The following HADHA variants were observed in gnomAD, a reference collection of about 807,000 sequenced individuals.
HADHA encodes the protein trifunctional enzyme subunit alpha, mitochondrial.
Under a neutral mutation model 91.3 loss-of-function variants are expected in HADHA, and 59 were observed. The ratio of observed to expected loss-of-function variants is 0.65; its 90% CI spans 0.52 to 0.80. The LOEUF (loss-of-function observed/expected upper bound fraction) is 0.80, where lower values mean the gene tolerates loss of function less well. Ranked by LOEUF, HADHA falls within the 30% of genes least tolerant of loss-of-function variation. The pLI, the probability that HADHA is intolerant of heterozygous loss-of-function variation, is 0.00. For synonymous variants in HADHA, 320 were observed against 338.9 expected (o/e 0.94, Z 0.61); for missense variants, 800 against 927.6 (o/e 0.86, Z 1.79).
chr2:26,191,272 G>A lies in HADHA; in HGVS notation c.2270C>T (p.Pro757Leu), dbSNP rs750593748. Residue 757 changes from proline to leucine, a missense_variant, in exon 20 of 20, where the codon CCT becomes CTT. By Grantham distance (98) the Pro-to-Leu change is moderately conservative. Coordinates refer to ENST00000380649, the MANE Select transcript of HADHA (RefSeq NM_000182.5). ...CQLLADHANS[P>L]NKKFYQ ...TGCTCACTGGTAGAACTTCTTGTTA[G>A]GGCTGTTAGCATGGTCAGCTAGCAG... 2 of 1,612,690 alleles carry A rather than the reference G, an allele frequency of 1.2e-6. No homozygotes were observed. The highest frequency in any genetic ancestry group is 8.5e-7 in the Non-Finnish European group (1 of 1,180,006).
At chr2:26,232,916 T>A (rs1670658143) in intron 5 of HADHA, among the ~76,000 whole-genome samples, 1 of 151,724 alleles carries the variant, frequency 6.6e-6, no homozygotes, top group Non-Finnish European at 1.5e-5. Context: ...GTCCCCAACC[T>A]TTTTGACGCC....
intron 4 of HADHA, among the ~76,000 whole-genome samples, chr2:26,236,428 T>TAC (rs1670763686): frequency 1.5e-4 from 17 of 111,062 alleles, no homozygotes; most frequent in South Asian, 8.6e-4. Flanking sequence ...GTGTATATAC[T>TAC]TTTTTTTTTT....
chr2:26,216,625 T>G (rs950427724), intron 7 of HADHA, among the ~76,000 whole-genome samples: 4 of 152,090 alleles, frequency 2.6e-5, no homozygotes, highest in African/African-American at 7.2e-5. Flanking sequence ...CTGGACCATT[T>G]GGCCTATTTT....
chr2:26,198,258 T>G (rs1321257278), intron 13 of HADHA, among the ~76,000 whole-genome samples: 1 of 152,210 alleles, frequency 6.6e-6, no homozygotes. Context: ...CATACCACTA[T>G]AGTTGCAGCT....
chr2:26,209,852 G>C lies in HADHA; in HGVS notation c.1013C>G (p.Ala338Gly). 1 of 1,604,806 alleles carries C rather than the reference G, an allele frequency of 6.2e-7. No homozygotes were observed. Among genetic ancestry groups the C allele is most frequent in the Non-Finnish European group, 8.5e-7 (1 of 1,171,600 alleles). ...GELVMTKESK[A>G]LMGLYHGQVL... ...CTGACCATGGTAGAGTCCCATCAAG[G>C]CCTTTGATTCTTTGGTCATTACAAG... Residue 338 changes from alanine (A) to glycine (G), a missense_variant, in exon 11 of 20, where the codon GCC becomes GGC. Coordinates refer to ENST00000380649, the MANE Select transcript of HADHA (RefSeq NM_000182.5).
intron 7 of HADHA, among the ~76,000 whole-genome samples, chr2:26,224,863 A>G (rs1433135591): frequency 6.6e-6 from 1 of 152,230 alleles, no homozygotes; most frequent in Admixed American, 6.5e-5. Flanking sequence ...ATAAGTGATT[A>G]AAGTCCTATC....
At chr2:26,223,451 A>C (rs191643262) in intron 7 of HADHA, among the ~76,000 whole-genome samples, 27 of 152,318 alleles carry the variant, frequency 1.8e-4, no homozygotes, top group Admixed American at 1.8e-3. Flanking sequence ...CCCACCAGGC[A>C]AAGAACTAGG....
At chr2:26,205,805 T>A (rs4665836) in intron 11 of HADHA, among the ~76,000 whole-genome samples, 120,463 of 150,998 alleles carry the variant, frequency 0.8, 48,112 homozygotes, top group African/African-American at 0.87. Flanking sequence ...CCATTTTTTT[T>A]AAAAAAAAAA....
chr2:26,204,755 T>C (rs1383917282), intron 11 of HADHA, among the ~76,000 whole-genome samples: 1 of 152,122 alleles, frequency 6.6e-6, no homozygotes. Context: ...GGCTAATTTT[T>C]AAGTTTTTTT....
At chr2:26,212,680 C>T in intron 9 of HADHA, 54 bp from the exon 10 acceptor site, 1 of 1,144,798 alleles carries the variant, frequency 8.7e-7, no homozygotes, top group South Asian at 1.2e-5. Flanking sequence ...GCGAGATGTA[C>T]AATAATGCTG....
At chr2:26,237,894 G>C (rs1027802899) in intron 3 of HADHA, among the ~76,000 whole-genome samples, 16 of 152,164 alleles carry the variant, frequency 1.1e-4, no homozygotes, top group Non-Finnish European at 2.2e-4. Flanking sequence ...TGGTTAGTGA[G>C]TGCTAAAATT....
chr2:26,197,910 TC>T, intron 13 of HADHA, 133 bp from the exon 14 acceptor site: 1 of 720,480 alleles, frequency 1.4e-6, no homozygotes, highest in South Asian at 1.4e-5. Flanking sequence ...TAGATGTCAC[TC>T]ACCCAGACAT....
intron 13 of HADHA, among the ~76,000 whole-genome samples, 159 bp from the exon 14 acceptor site, chr2:26,197,936 G>A (rs1669723545): frequency 6.6e-6 from 1 of 152,176 alleles, no homozygotes; most frequent in South Asian, 2.1e-4. Context: ...GGATCACCTA[G>A]GGGGTTTTGT....
At chr2:26,232,043 AC>A (rs1164582908) in intron 6 of HADHA, 116 bp downstream of exon 6, 7 of 783,796 alleles carry the variant, frequency 8.9e-6, no homozygotes, top group Admixed American at 3.5e-5. Flanking sequence ...CTGATCCTGT[AC>A]ACTCATATTT....
chr2:26,217,828 G>C (rs1670276801), intron 7 of HADHA, among the ~76,000 whole-genome samples: 1 of 152,082 alleles, frequency 6.6e-6, no homozygotes, highest in Non-Finnish European at 1.5e-5. Flanking sequence ...GATTGCTTGA[G>C]CCCAGAAGTT....
chr2:26,227,182 T>A (rs1024460235), intron 7 of HADHA, among the ~76,000 whole-genome samples: 3 of 152,190 alleles, frequency 2.0e-5, no homozygotes, highest in Non-Finnish European at 4.4e-5. Flanking sequence ...TTCAATATCT[T>A]TGGTAATTAG....
intron 14 of HADHA, among the ~76,000 whole-genome samples, chr2:26,197,072 C>T (rs1043050228): frequency 6.6e-6 from 1 of 152,182 alleles, no homozygotes; most frequent in Non-Finnish European, 1.5e-5. Flanking sequence ...TTTTATAATT[C>T]CTGCCTACCT....
chr2:26,222,748 C>T (rs569846148), intron 7 of HADHA, among the ~76,000 whole-genome samples: 12 of 152,140 alleles, frequency 7.9e-5, no homozygotes, highest in Non-Finnish European at 1.8e-4. Flanking sequence ...GAATTCACTT[C>T]TCAGTAAGTG....
At chr2:26,223,902 A>G (rs964502407) in intron 7 of HADHA, among the ~76,000 whole-genome samples, 1 of 152,026 alleles carries the variant, frequency 6.6e-6, no homozygotes, top group Non-Finnish European at 1.5e-5. Context: ...ATGTACCACC[A>G]CGCCTGGCTA....
Sources: gnomAD v4.1 joint callset for allele counts (sites outside exome capture counted in the v4.1 genomes callset) on GRCh38, gnomAD v4.1.1 for gene constraint, MANE v1.5 for transcripts, NCBI Gene and HGNC (gene_info 2026-07-23, HGNC 2026-07-21) for gene names.